The following CFAP251 variants were observed in gnomAD, a reference collection of about 807,000 sequenced individuals.
CFAP251 encodes cilia- and flagella-associated protein 251.
In CFAP251, 93 loss-of-function variants were observed where a neutral mutation model predicts 126.7. That is an observed-to-expected ratio of 0.73 (90% CI 0.62 to 0.87). The LOEUF (loss-of-function observed/expected upper bound fraction) is 0.87, where lower values mean the gene tolerates loss of function less well. Ranked by LOEUF, CFAP251 falls within the 40% of genes least tolerant of loss-of-function variation. CFAP251 has a pLI of 0.00. For synonymous variants in CFAP251, 503 were observed against 506.9 expected, an observed-to-expected ratio of 0.99 and a Z score of 0.10; for missense variants, 1,287 against 1,389.2, an observed-to-expected ratio of 0.93 and a Z score of 1.17.
At chr12:121,934,833 G>GTT (rs1880827731) in intron 5 of CFAP251, among the ~76,000 whole-genome samples, 1 of 152,164 alleles carries the variant, frequency 6.6e-6, no homozygotes, top group Non-Finnish European at 1.5e-5. Context: ...TACAGACAGG[G>GTT]TCTCGCTCCA....
At chr12:122,003,287 T>G (rs2135822959) in intron 21 of CFAP251, among the ~76,000 whole-genome samples, 1 of 152,246 alleles carries the variant, frequency 6.6e-6, no homozygotes, top group East Asian at 1.9e-4. Context: ...GTTAGAAACA[T>G]AGTCATTGAG....
chr12:121,999,273 G>C (rs1883095249), intron 19 of CFAP251: 1 of 155,358 alleles, frequency 6.4e-6, no homozygotes, highest in African/African-American at 2.4e-5. Flanking sequence ...GTATGCTCCT[G>C]GATTTAATTT....
chr12:121,942,917 C>G lies in CFAP251; in HGVS notation c.1133C>G (p.Thr378Ser), dbSNP rs767649004. ...CAGAAGGTATGCATCTGGAAGTGGA[C>G]TTTGGCAGTGGAAACGCCAGCATGC... ...EVQKVCIWKW[T>S]LAVETPACTL... The change falls in exon 7 of 22, where the codon ACT becomes AGT. Residue 378 changes from threonine to serine, a missense_variant. Transcript: ENST00000288912. 22 of 1,614,068 alleles carry G rather than the reference C, an allele frequency of 1.4e-5. No homozygotes were observed. The highest frequency in any genetic ancestry group is 1.8e-5 in the Non-Finnish European group (21 of 1,180,042).
chr12:121,928,317 T>A (rs950527743), intron 3 of CFAP251, among the ~76,000 whole-genome samples: 1 of 152,042 alleles, frequency 6.6e-6, no homozygotes, highest in African/African-American at 2.4e-5. Flanking sequence ...ATTCCATAAT[T>A]CTACCACTCA....
chr12:121,969,988 T>C, intron 17 of CFAP251: 4 of 981,374 alleles, frequency 4.1e-6, no homozygotes, highest in Non-Finnish European at 4.8e-6. Flanking sequence ...GGTGACTTAA[T>C]ATGATCAGCA....
At chr12:121,994,705 A>G (rs556152482) in intron 19 of CFAP251, among the ~76,000 whole-genome samples, 8 of 71,900 alleles carry the variant, frequency 1.1e-4, no homozygotes, top group Non-Finnish European at 1.7e-4. Context: ...ACTCAGGGTT[A>G]AATGGATTAA....
Position 122,003,689 on chromosome 12 carries a change from A to C in CFAP251, c.3375A>C (p.Glu1125Asp). ...GCCTTGAAGAAGAACTTCCAGACGA[A>C]ATCACTGCAGAAATATTCGCGACTG... The part of the protein sequence containing the change: ...EICLEEELPD[E>D]ITAEIFATEI... The change falls in exon 22 of 22, where the codon GAA becomes GAC. Residue 1125 changes from glutamate to aspartate, a missense_variant. Glu to Asp is a conservative substitution (Grantham distance 45). Coordinates refer to ENST00000288912, the MANE Select transcript of CFAP251 (RefSeq NM_144668.6). 6.2e-7 allele frequency: 1 copy of C among 1,610,524 alleles called. No homozygotes were observed. The highest frequency in any genetic ancestry group is 8.5e-7 in the Non-Finnish European group (1 of 1,179,062).
intron 19 of CFAP251, among the ~76,000 whole-genome samples, chr12:121,976,599 TA>T (rs1882465580): frequency 6.6e-6 from 1 of 152,186 alleles, no homozygotes; most frequent in Non-Finnish European, 1.5e-5. Context: ...GTTCCTCATG[TA>T]AACTGTTGTT....
chr12:121,986,447 G>A (rs1212521211), intron 19 of CFAP251, among the ~76,000 whole-genome samples: 1 of 150,894 alleles, frequency 6.6e-6, no homozygotes, highest in African/African-American at 2.4e-5. Context: ...ACAGGCACCC[G>A]CCACCACGCC....
At chr12:122,000,856 C>T (rs539103868) in intron 20 of CFAP251, among the ~76,000 whole-genome samples, 1 of 151,752 alleles carries the variant, frequency 6.6e-6, no homozygotes, top group Non-Finnish European at 1.5e-5. Context: ...CATTAGGAAG[C>T]ATATGTGACA....
chr12:121,945,209 G>A (rs923324924), intron 7 of CFAP251, among the ~76,000 whole-genome samples: 1 of 151,946 alleles, frequency 6.6e-6, no homozygotes, highest in Non-Finnish European at 1.5e-5. Flanking sequence ...CCTAGTCCAG[G>A]CCACAGTCAC....
At chr12:121,965,553 A>G (rs925669846) in intron 15 of CFAP251, among the ~76,000 whole-genome samples, 2 of 152,222 alleles carry the variant, frequency 1.3e-5, no homozygotes, top group Admixed American at 1.3e-4. Context: ...ATGGTTTGTC[A>G]GTACACTGGA....
chr12:121,985,965 G>C (rs932063289), intron 19 of CFAP251, among the ~76,000 whole-genome samples: 2 of 152,034 alleles, frequency 1.3e-5, no homozygotes, highest in Admixed American at 6.5e-5. Context: ...AGACCAGCCT[G>C]AGCAGCGTAG....
chr12:121,954,636 T>TA (rs1174239421), intron 10 of CFAP251, among the ~76,000 whole-genome samples: 844 of 41,950 alleles, frequency 0.02, 65 homozygotes, highest in East Asian at 0.088. Flanking sequence ...CCTCCTGTCT[T>TA]AAAAAAAAAA....
At chr12:121,931,715 A>G in intron 3 of CFAP251, 31 bp from the exon 4 acceptor site, 1 of 1,512,000 alleles carries the variant, frequency 6.6e-7, no homozygotes, top group South Asian at 1.4e-5. Context: ...ACACGCTGTA[A>G]TGTCTTGCTG....
chr12:121,988,442 A>G (rs998535687), intron 19 of CFAP251, among the ~76,000 whole-genome samples: 2 of 152,144 alleles, frequency 1.3e-5, no homozygotes, highest in African/African-American at 4.8e-5. Context: ...GGATTGGCCT[A>G]TCTTGGCATT....
At chr12:121,953,251 CA>C (rs988787108) in intron 9 of CFAP251, 4 of 152,022 alleles carry the variant, frequency 2.6e-5, no homozygotes, top group Admixed American at 2.6e-4. Context: ...TGCAAACAAC[CA>C]AAAATGCAAA....
intron 3 of CFAP251, among the ~76,000 whole-genome samples, chr12:121,924,577 C>T (rs553819372): frequency 4.1e-4 from 62 of 152,112 alleles, no homozygotes; most frequent in Admixed American, 8.5e-4. Context: ...GGATTACAGG[C>T]GCCTGCCACC....
chr12:121,968,942 C>T lies in CFAP251; in HGVS notation c.2771+773C>T, dbSNP rs981964039. The T allele has an allele frequency of 4.9e-5, 48 of 985,300 alleles. No individual in the cohort carries two copies. In the Admixed American group the frequency reaches 5.5e-4, roughly 11 times the overall value. 61.0% of individuals were successfully genotyped at this position (985,300 alleles called of 1,614,324 possible). ...AATAAAGAGGGGACAAGCACCCACA[C>T]TGTCCTCTCATCTACCCAAATCCGG... On this transcript the variant is annotated intron_variant, in intron 17 of 21. Coordinates refer to ENST00000288912, the MANE Select transcript of CFAP251 (RefSeq NM_144668.6).
Sources: allele counts gnomAD v4.1 joint callset (sites outside exome capture counted in the v4.1 genomes callset), GRCh38; gene constraint gnomAD v4.1.1; transcripts MANE v1.5; gene names NCBI Gene and HGNC (gene_info 2026-07-23, HGNC 2026-07-21).